Variants in DPP10 observed in about 807,000 individuals in gnomAD.
DPP10 encodes dipeptidyl peptidase like 10.
A neutral mutation model predicts 120.9 loss-of-function variants in DPP10; 33 were observed. That is an observed-to-expected ratio of 0.27 (90% confidence interval 0.21 to 0.37). The LOEUF is 0.37. Among genes scored for constraint, DPP10 ranks in the 10% least tolerant of loss-of-function variants. The pLI, the probability that DPP10 is intolerant of heterozygous loss-of-function variation, is 1.00. For missense variants in DPP10, 816 were observed against 942.8 expected (o/e 0.87, Z 1.76); for synonymous variants, 337 against 326.1 (o/e 1.03, Z -0.36).
Position 115,753,374 on chromosome 2 carries a change from C to T in DPP10, c.1074+77C>T, listed in dbSNP as rs1410442243. The stretch of plus-strand genomic sequence containing the variant: ...CTTTACAAAGGGGAAACAGGAAATG[C>T]TTTGTACAAAAAAAATTCAGTGTTT... On this transcript the variant is annotated intron_variant, in intron 11 of 25. Transcript: ENST00000410059. 6 of 1,369,566 alleles carry T rather than the reference C, an allele frequency of 4.4e-6. 1 individual carries two copies. Among genetic ancestry groups the T allele is most frequent in the Non-Finnish European group, 4.8e-6 (5 of 1,031,994 alleles). The allele number at this position is 1,369,566 out of a possible 1,614,324, so 84.8% of individuals were successfully genotyped here.
At chr2:115,317,848 C>T (rs1443485613) in intron 2 of DPP10, among the ~76,000 whole-genome samples, 1 of 151,924 alleles carries the variant, frequency 6.6e-6, no homozygotes, top group African/African-American at 2.4e-5. Context: ...TGTAGGAGTT[C>T]TTTATTCCGG....
intron 5 of DPP10, among the ~76,000 whole-genome samples, chr2:115,598,019 A>G (rs1168958215): frequency 1.3e-5 from 2 of 152,076 alleles, no homozygotes; most frequent in East Asian, 1.9e-4. Flanking sequence ...ATATGTCTCT[A>G]TGTTTGGTAA....
intron 1 of DPP10, among the ~76,000 whole-genome samples, chr2:114,468,178 A>G (rs527370366): frequency 2.0e-4 from 31 of 152,116 alleles, no homozygotes; most frequent in Non-Finnish European, 4.3e-4. Flanking sequence ...TGGGAAAACT[A>G]AGAGGTTCAG....
chr2:115,753,417 G>A lies in DPP10; in HGVS notation c.1074+120G>A. 7 of 910,186 alleles carry A rather than the reference G, an allele frequency of 7.7e-6. No individual in the cohort carries two copies. The East Asian group carries it at 9.1e-5, about 12-fold the overall frequency. The allele number at this position is 910,186 out of a possible 1,614,324, so 56.4% of individuals were successfully genotyped here. On this transcript the variant is annotated intron_variant, in intron 11 of 25. Coordinates refer to ENST00000410059, the MANE Select transcript of DPP10 (RefSeq NM_020868.6). The stretch of plus-strand genomic sequence containing the variant: ...CAGTGTTTAACTTTTAAAACTAATA[G>A]GAAAAGAATTATTCTATTAAGAATA...
chr2:115,525,793 A>G (rs1575095016), intron 4 of DPP10, 105 bp from the exon 5 acceptor site: 1 of 736,982 alleles, frequency 1.4e-6, no homozygotes, highest in Middle Eastern at 3.9e-4. Context: ...AGAAATGAGA[A>G]TGCCATTTTA....
chr2:114,730,855 G>T (rs1023579349), intron 1 of DPP10, among the ~76,000 whole-genome samples: 1 of 151,472 alleles, frequency 6.6e-6, no homozygotes, highest in Non-Finnish European at 1.5e-5. Context: ...CTCACAAAGT[G>T]CTGGGATTAC....
intron 1 of DPP10, among the ~76,000 whole-genome samples, chr2:114,589,273 T>G (rs1337185281): frequency 2.0e-5 from 3 of 152,180 alleles, no homozygotes; most frequent in Non-Finnish European, 4.4e-5. Flanking sequence ...AGGCCCAGCC[T>G]GTGGAGTGTT....
chr2:114,567,548 G>A (rs1014019673), intron 1 of DPP10, among the ~76,000 whole-genome samples: 5 of 152,116 alleles, frequency 3.3e-5, no homozygotes, highest in African/African-American at 1.2e-4. Context: ...GCTGGAAAAG[G>A]TAAGGAAACA....
intron 1 of DPP10, among the ~76,000 whole-genome samples, chr2:114,959,326 C>T (rs945161028): frequency 2.6e-5 from 4 of 152,146 alleles, no homozygotes; most frequent in Non-Finnish European, 5.9e-5. Flanking sequence ...TAGAATCTTA[C>T]AGTATGTGGC....
chr2:114,881,503 T>TCTGC (rs1691620360), intron 1 of DPP10, among the ~76,000 whole-genome samples: 2 of 113,876 alleles, frequency 1.8e-5, no homozygotes, highest in Admixed American at 1.9e-4. Context: ...TATCTCTCTG[T>TCTGC]CTGTCTGTCT....
intron 3 of DPP10, among the ~76,000 whole-genome samples, chr2:115,410,163 A>C (rs1380625271): frequency 6.6e-6 from 1 of 152,252 alleles, no homozygotes; most frequent in African/African-American, 2.4e-5. Flanking sequence ...TTATTCTGTT[A>C]TAAAGATACG....
At chr2:115,296,864 T>A (rs1002262090) in intron 1 of DPP10, among the ~76,000 whole-genome samples, 6 of 152,014 alleles carry the variant, frequency 3.9e-5, no homozygotes, top group African/African-American at 1.4e-4. Context: ...AGTAATAGGC[T>A]GACTCTATAC....
intron 1 of DPP10, chr2:115,161,790 G>A (rs1442434117): frequency 1.7e-5 from 11 of 631,650 alleles, no homozygotes; most frequent in Non-Finnish European, 2.4e-5. Context: ...CGGGGAGCCC[G>A]CCCGGTGCCG....
chr2:115,576,751 A>G (rs1031661467), intron 5 of DPP10, among the ~76,000 whole-genome samples: 1 of 152,152 alleles, frequency 6.6e-6, no homozygotes, highest in African/African-American at 2.4e-5. Context: ...GCCACTCACA[A>G]AATTGAAGTC....
chr2:115,071,662 C>T (rs887388646), intron 1 of DPP10, among the ~76,000 whole-genome samples: 1 of 149,778 alleles, frequency 6.7e-6, no homozygotes, highest in Non-Finnish European at 1.5e-5. Context: ...CCAGAAGGGG[C>T]AATTTCTATA....
intron 17 of DPP10, among the ~76,000 whole-genome samples, chr2:115,785,745 C>T (rs138493403): frequency 6.6e-6 from 1 of 151,496 alleles, no homozygotes; most frequent in East Asian, 1.9e-4. Flanking sequence ...GGCTATGTAG[C>T]AGTCTATTAA....
intron 3 of DPP10, among the ~76,000 whole-genome samples, chr2:115,362,208 C>G (rs1460642643): frequency 6.6e-6 from 1 of 152,076 alleles, no homozygotes; most frequent in African/African-American, 2.4e-5. Context: ...ATGTCTTTAG[C>G]AAGGAAATTT....
chr2:115,636,973 A>G (rs554890310), intron 5 of DPP10, among the ~76,000 whole-genome samples: 1 of 152,318 alleles, frequency 6.6e-6, no homozygotes, highest in East Asian at 1.9e-4. Flanking sequence ...AAACCTAAAT[A>G]CAATGGAATG....
At chr2:115,221,797 A>C (rs1313550723) in intron 1 of DPP10, among the ~76,000 whole-genome samples, 1 of 144,354 alleles carries the variant, frequency 6.9e-6, no homozygotes, top group African/African-American at 2.6e-5. Context: ...CTAAGAGAAA[A>C]CCATGGTCTA....
Sources: gnomAD v4.1 joint callset for allele counts (sites outside exome capture counted in the v4.1 genomes callset) on GRCh38, gnomAD v4.1.1 for gene constraint, MANE v1.5 for transcripts, NCBI Gene and HGNC (gene_info 2026-07-23, HGNC 2026-07-21) for gene names.